ZNF117: variants seen among roughly 807,000 people sequenced by gnomAD.
ZNF117 encodes zinc finger protein 117, also known as Krueppel-related zinc finger protein.
Under a neutral mutation model 41.2 loss-of-function variants are expected in ZNF117, and 37 were observed. The observed-to-expected ratio is 0.90, with a 90% CI of 0.69 to 1.18. The LOEUF (loss-of-function observed/expected upper bound fraction) is 1.18. ZNF117 is among the 50% of genes most tolerant of loss of function. The pLI is 0.00. For synonymous variants in ZNF117, 186 were observed against 186.6 expected, an observed-to-expected ratio of 1.00 and a Z score of 0.02; for missense variants, 546 against 557.5, an observed-to-expected ratio of 0.98 and a Z score of 0.21.
Position 64,978,358 on chromosome 7 carries a change from TAA to T in ZNF117, c.1211_1212del (p.Leu404GlnfsTer4). 1 of 1,613,738 alleles carries T rather than the reference TAA, an allele frequency of 6.2e-7. No individual in the cohort carries two copies. ...CCAGTATGAATTTTCTTACATGTAC[TAA>T]GTTTTGAGGATAGGTGGAAAACTTT... On this transcript the variant is annotated frameshift_variant, in exon 3 of 3. Transcript: ENST00000620222. LOFTEE classifies it high-confidence loss of function.
exon 1 of ZNF117, chr7:64,990,864 G>C (rs62456476): frequency 0.038 from 6,636 of 172,472 alleles, 197 homozygotes; most frequent in East Asian, 0.15. Context: ...GACTGGTCAG[G>C]AAAGGACTTG....
chr7:64,977,984 G>C, exon 3 of ZNF117: 1 of 1,272,424 alleles, frequency 7.9e-7, no homozygotes, highest in Admixed American at 2.0e-5. Flanking sequence ...CATCACATTT[G>C]TGTAACTTCT....
upstream of ZNF117, among the ~76,000 whole-genome samples, chr7:64,985,584 G>C (rs1030247612): frequency 1.3e-5 from 2 of 152,146 alleles, no homozygotes; most frequent in African/African-American, 4.8e-5. Context: ...AGGTTTAACT[G>C]TTAATATGAT....
At chr7:64,977,739 T>C (rs1015580411) in exon 3 of ZNF117, 6 of 890,478 alleles carry the variant, frequency 6.7e-6, no homozygotes, top group Non-Finnish European at 1.1e-5. Flanking sequence ...TTTATATGGT[T>C]TCTCTCCAGT....
chr7:64,988,262 C>G (rs1223328079), intron 1 of ZNF117, among the ~76,000 whole-genome samples: 1 of 152,140 alleles, frequency 6.6e-6, no homozygotes, highest in Non-Finnish European at 1.5e-5. Context: ...CCATTATGAT[C>G]AAGTAGGCTT....
At chr7:64,978,427 T>C (rs371710928) in exon 3 of ZNF117, 7 of 1,613,702 alleles carry the variant, frequency 4.3e-6, no homozygotes, top group East Asian at 4.5e-5. Context: ...CCAGTATGGA[T>C]TATCTTATGT....
At chr7:64,973,047 T>A (rs1016435021), downstream of ZNF117, 6 of 151,956 alleles carry the variant, frequency 3.9e-5, no homozygotes, top group Non-Finnish European at 7.4e-5. Context: ...GCTGCCATAA[T>A]CTTCAAAAGT....
chr7:64,982,523 C>G (rs2129119626), upstream of ZNF117, among the ~76,000 whole-genome samples: 1 of 152,252 alleles, frequency 6.6e-6, no homozygotes, highest in Middle Eastern at 3.4e-3. Context: ...AACTTCAGAT[C>G]TCGTTAATGC....
chr7:64,983,235 A>C (rs1474552994), upstream of ZNF117, among the ~76,000 whole-genome samples: 1 of 152,174 alleles, frequency 6.6e-6, no homozygotes, highest in African/African-American at 2.4e-5. Flanking sequence ...CTCCTTCTTT[A>C]CTAAAGACCC....
chr7:64,976,440 T>TG (rs1316143367), exon 3 of ZNF117: 2,021 of 149,822 alleles, frequency 0.013, 38 homozygotes, highest in African/African-American at 0.048. Context: ...AGACTCCATC[T>TG]AAAAAAAAAA....
At chr7:64,978,234 T>A in exon 3 of ZNF117, 2 of 1,613,072 alleles carry the variant, frequency 1.2e-6, no homozygotes, top group Non-Finnish European at 1.7e-6. Context: ...TTCTTCACAT[T>A]TGTAGGGTTT....
intron 1 of ZNF117, among the ~76,000 whole-genome samples, chr7:64,988,091 T>C (rs1786174196): frequency 2.6e-5 from 4 of 152,040 alleles, no homozygotes; most frequent in Admixed American, 2.6e-4. Flanking sequence ...AACACTCCCC[T>C]TCAACTCATT....
upstream of ZNF117, among the ~76,000 whole-genome samples, chr7:64,983,542 C>G (rs115038649): frequency 0.013 from 1,941 of 152,230 alleles, 35 homozygotes; most frequent in African/African-American, 0.045. Context: ...TTCCAGGAGG[C>G]AGAGTGGACA....
chr7:64,980,069 C>T (rs955965646), intron 2 of ZNF117: 2 of 153,356 alleles, frequency 1.3e-5, no homozygotes, highest in African/African-American at 4.8e-5. Context: ...AGAGACTGTA[C>T]TACAGACAGG....
At chr7:64,979,408 T>G (rs1400321493) in exon 3 of ZNF117, 1 of 1,610,674 alleles carries the variant, frequency 6.2e-7, no homozygotes. Context: ...TCAACCACAC[T>G]TTTACAGCCT....
chr7:64,986,189 A>G (rs1786132062), upstream of ZNF117, among the ~76,000 whole-genome samples: 1 of 152,186 alleles, frequency 6.6e-6, no homozygotes, highest in African/African-American at 2.4e-5. Flanking sequence ...TCAATCAAGA[A>G]AAATGACAAG....
At chr7:64,975,627 A>G (rs1218200486) in exon 3 of ZNF117, 1 of 152,162 alleles carries the variant, frequency 6.6e-6, no homozygotes, top group African/African-American at 2.4e-5. Context: ...GTTGAATTAC[A>G]TCATTCACTT....
In ZNF117 at chr7:64,990,066, A is replaced by G. The variant is rs1786230172; in HGVS notation, c.-315T>C. 6.6e-6 allele frequency: 1 copy of G among 152,194 alleles called. No homozygotes were observed. Among genetic ancestry groups the G allele is most frequent in the Admixed American group, 6.6e-5 (1 of 15,266 alleles). 9.4% of individuals were successfully genotyped at this position (152,194 alleles called of 1,614,324 possible). On this transcript the variant is annotated 5_prime_UTR_variant, in exon 1 of 4. It removes an upstream start codon present in the reference 5' UTR. Coordinates refer to the ZNF117 transcript ENST00000282869. ...CATCCTGGTGACACAGCAAGACTCCATCTCAGAAAACAACAACAACAACAA... is the reference window on the plus strand; with the variant it reads ...CATCCTGGTGACACAGCAAGACTCCGTCTCAGAAAACAACAACAACAACAA...
At chr7:64,977,786 G>C (rs1785923630) in exon 3 of ZNF117, 1 of 956,666 alleles carries the variant, frequency 1.0e-6, no homozygotes, top group South Asian at 1.3e-5. Context: ...TTGAGAACTG[G>C]TTAAAAGCTT....
Sources: gnomAD v4.1 joint callset for allele counts (sites outside exome capture counted in the v4.1 genomes callset) on GRCh38, gnomAD v4.1.1 for gene constraint, MANE v1.5 for transcripts, NCBI Gene and HGNC (gene_info 2026-07-23, HGNC 2026-07-21) for gene names.